Variants in SCP2 observed in about 807,000 individuals in gnomAD.
SCP2 encodes sterol carrier protein 2.
Under a neutral mutation model 71.4 loss-of-function variants are expected in SCP2, and 48 were observed. The observed-to-expected ratio is 0.67, with a 90% CI of 0.53 to 0.86. SCP2 has a LOEUF of 0.86. Ranked by LOEUF, SCP2 falls within the 40% of genes least tolerant of loss-of-function variation. The probability of loss-of-function intolerance (pLI) is 0.00; values close to 1 mark genes in which losing one functional copy is unlikely to be tolerated. For missense variants in SCP2, 560 were observed against 655.6 expected, an observed-to-expected ratio of 0.85 and a Z score of 1.59; for synonymous variants, 220 against 218.1, an observed-to-expected ratio of 1.01 and a Z score of -0.08.
At chr1:53,003,731 T>C (rs2150213042) in intron 11 of SCP2, among the ~76,000 whole-genome samples, 1 of 152,308 alleles carries the variant, frequency 6.6e-6, no homozygotes, top group African/African-American at 2.4e-5. Flanking sequence ...CTCCCTATGC[T>C]TCCCAGGCTG....
Position 52,950,836 on chromosome 1 carries a change from G to A in SCP2, c.281G>A (p.Cys94Tyr). 1 of 1,613,992 alleles carries A rather than the reference G, an allele frequency of 6.2e-7. No homozygotes were observed. The highest frequency in any genetic ancestry group is 8.5e-7 in the Non-Finnish European group (1 of 1,179,892). The change falls in exon 4 of 16, where the codon TGT becomes TAT. Residue 94 changes from cysteine (C) to tyrosine (Y), a missense_variant. Transcript: ENST00000371514. ...GIPIINVNNNCATGSTALFMA... is the reference protein window; with the variant it reads ...GIPIINVNNNYATGSTALFMA... ...CCTATAATCAATGTCAACAATAACTGTGCTACTGGTTCTACTGCTTTGTTT... is the reference window on the plus strand; with the variant it reads ...CCTATAATCAATGTCAACAATAACTATGCTACTGGTTCTACTGCTTTGTTT...
chr1:53,035,523 C>A (rs917336556), intron 13 of SCP2, among the ~76,000 whole-genome samples: 6 of 151,954 alleles, frequency 3.9e-5, no homozygotes, highest in African/African-American at 1.5e-4. Context: ...TTTTATGTAA[C>A]CCCATCCAAC....
chr1:52,933,068 A>C (rs1653308590), intron 1 of SCP2, among the ~76,000 whole-genome samples: 1 of 152,214 alleles, frequency 6.6e-6, no homozygotes, highest in Admixed American at 6.5e-5. Context: ...TGATCTTAAA[A>C]TATCTTTTTC....
intron 5 of SCP2, among the ~76,000 whole-genome samples, chr1:52,960,606 G>GTA (rs1161300988): frequency 8.8e-5 from 12 of 136,332 alleles, no homozygotes; most frequent in African/African-American, 3.0e-4. Context: ...ATATATGTAT[G>GTA]TATATATGTA....
intron 3 of SCP2, among the ~76,000 whole-genome samples, chr1:52,950,121 T>G (rs901071768): frequency 6.6e-6 from 1 of 151,978 alleles, no homozygotes; most frequent in Admixed American, 6.6e-5. Flanking sequence ...TATTTATTTA[T>G]TTATTTATTT....
At chr1:53,015,461 G>A (rs1572189091) in intron 12 of SCP2, among the ~76,000 whole-genome samples, 1 of 152,214 alleles carries the variant, frequency 6.6e-6, no homozygotes, top group African/African-American at 2.4e-5. Context: ...AATTCTTTTT[G>A]TCTCTTGCTG....
chr1:52,955,281 A>C (rs1655692437), intron 5 of SCP2, among the ~76,000 whole-genome samples: 1 of 152,228 alleles, frequency 6.6e-6, no homozygotes, highest in Non-Finnish European at 1.5e-5. Context: ...ATTTGCAGCT[A>C]CTTTTGCCTT....
At chr1:52,967,781 C>A (rs539087454) in intron 6 of SCP2, among the ~76,000 whole-genome samples, 2 of 152,098 alleles carry the variant, frequency 1.3e-5, no homozygotes, top group African/African-American at 2.4e-5. Flanking sequence ...ACTGTTGGTC[C>A]GCTGCTTGAT....
In SCP2 at chr1:53,050,750, A is replaced by C; in HGVS notation, c.*46A>C. The stretch of plus-strand genomic sequence containing the variant: ...TTGAAAATCAAGATGAGATATATAG[A>C]TATATATCCATACATTTTATTGTCA... On this transcript the variant is annotated 3_prime_UTR_variant, in exon 16 of 16. Coordinates refer to ENST00000371514, the MANE Select transcript of SCP2 (RefSeq NM_002979.5). The C allele has an allele frequency of 5.0e-5, 57 of 1,132,568 alleles. No homozygotes were observed. The highest frequency in any genetic ancestry group is 7.1e-5 in the Non-Finnish European group (53 of 743,008). 70.2% of individuals were successfully genotyped at this position (1,132,568 alleles called of 1,614,324 possible). A position where few individuals can be genotyped will look rare whatever the true frequency, so the allele number is the denominator to read the frequency against.
chr1:53,040,701 A>G (rs1393112104), intron 14 of SCP2, among the ~76,000 whole-genome samples: 1 of 151,964 alleles, frequency 6.6e-6, no homozygotes. Flanking sequence ...AGCCTGGGCG[A>G]CAGAGCGAGA....
At chr1:52,947,061 G>GAAA (rs769379121) in intron 2 of SCP2, among the ~76,000 whole-genome samples, 2 of 76,968 alleles carry the variant, frequency 2.6e-5, no homozygotes, top group Non-Finnish European at 2.6e-5. Flanking sequence ...ACTCTGTCTC[G>GAAA]AAAAAAAAAA....
intron 10 of SCP2, among the ~76,000 whole-genome samples, chr1:52,981,654 A>C (rs1274168139): frequency 6.7e-6 from 1 of 148,686 alleles, no homozygotes; most frequent in Non-Finnish European, 1.5e-5. Flanking sequence ...CTGTTCTCAA[A>C]CTCCTGGCTT....
chr1:52,939,609 A>C (rs543264076), intron 1 of SCP2, among the ~76,000 whole-genome samples: 3 of 152,276 alleles, frequency 2.0e-5, no homozygotes, highest in South Asian at 2.1e-4. Flanking sequence ...TAAGTTTTCA[A>C]CTCCTTTGGG....
intron 7 of SCP2, among the ~76,000 whole-genome samples, chr1:52,975,306 G>A (rs1572120454): frequency 6.6e-6 from 1 of 151,974 alleles, no homozygotes; most frequent in Admixed American, 6.6e-5. Context: ...TCAGCCTCCC[G>A]AGTAGCTGGG....
chr1:52,983,445 A>G (rs1180931861), intron 10 of SCP2, among the ~76,000 whole-genome samples: 3 of 152,112 alleles, frequency 2.0e-5, no homozygotes, highest in East Asian at 1.9e-4. Flanking sequence ...TGGACTTCCA[A>G]TGATGCATAT....
rs565208372 is a variant in SCP2, at chr1:52,941,971, C to T, written c.127+118C>T. 502 of 724,258 alleles carry T rather than the reference C, an allele frequency of 6.9e-4. 4 individuals carry two copies. Among genetic ancestry groups the T allele is most frequent in the South Asian group, 3.3e-3 (220 of 67,498 alleles). 44.9% of individuals were successfully genotyped at this position (724,258 alleles called of 1,614,324 possible). On this transcript the variant is annotated intron_variant, in intron 2 of 15. Coordinates refer to ENST00000371514, the MANE Select transcript of SCP2 (RefSeq NM_002979.5). The stretch of plus-strand genomic sequence containing the variant: ...GAAGCCCAGTCAAGGGAGAAGAACC[C>T]GTACAGAGAAATGTCTAGTGACTCA...
intron 11 of SCP2, chr1:52,993,894 G>C (rs935824405): frequency 7.0e-7 from 1 of 1,436,714 alleles, no homozygotes; most frequent in African/African-American, 1.4e-5. Flanking sequence ...TTTTGGAGAG[G>C]ACACCACTGC....
At chr1:52,936,861 G>A (rs1320169506) in intron 1 of SCP2, among the ~76,000 whole-genome samples, 1 of 151,910 alleles carries the variant, frequency 6.6e-6, no homozygotes, top group African/African-American at 2.4e-5. Flanking sequence ...GGGGTGGAGG[G>A]CAAAGTTCTA....
intron 14 of SCP2, among the ~76,000 whole-genome samples, chr1:53,040,652 C>T (rs963009283): frequency 2.0e-5 from 3 of 152,026 alleles, no homozygotes; most frequent in Non-Finnish European, 4.4e-5. Context: ...ACCCAGGAGG[C>T]GGAGCTTGCA....
Sources: gnomAD v4.1 joint callset for allele counts (sites outside exome capture counted in the v4.1 genomes callset) on GRCh38, gnomAD v4.1.1 for gene constraint, MANE v1.5 for transcripts, NCBI Gene and HGNC (gene_info 2026-07-23, HGNC 2026-07-21) for gene names.